The following COL5A1 variants were observed in gnomAD, a reference collection of about 807,000 sequenced individuals.
COL5A1 encodes collagen alpha-1(V) chain.
Under a neutral mutation model 263.7 loss-of-function variants are expected in COL5A1, and 16 were observed. That is an observed-to-expected ratio of 0.06 (90% CI 0.04 to 0.09). The LOEUF (loss-of-function observed/expected upper bound fraction) is 0.09. COL5A1 is among the 10% of genes least tolerant of loss of function. The probability of loss-of-function intolerance (pLI) is 1.00; values close to 1 mark genes in which losing one functional copy is unlikely to be tolerated. For missense variants in COL5A1, 2,036 were observed against 2,540.5 expected (o/e 0.80, Z 4.27); for synonymous variants, 1,012 against 1,004.5 (o/e 1.01, Z -0.14).
At chr9:134,829,269 A>C (rs774092407) in intron 63 of COL5A1, among the ~76,000 whole-genome samples, 12 of 151,318 alleles carry the variant, frequency 7.9e-5, no homozygotes, top group Non-Finnish European at 1.2e-4. Context: ...GGCTGGGGCC[A>C]GGCTCCTCAC....
Position 134,823,551 on chromosome 9 carries a change from T to TGA in COL5A1, c.4698+83_4698+84dup, listed in dbSNP as rs1308448033. ...AATTGAGAAAGCAACTGTGTGTGTG[T>TGA]GACCCCTCCTGAGACTCATGAAGCC... On this transcript the variant is annotated intron_variant, in intron 61 of 65. Transcript: ENST00000371817. 3.5e-6 allele frequency: 5 copies of TGA among 1,414,434 alleles called. No individual in the cohort carries two copies. The Admixed American group carries it at 5.1e-5, about 15-fold the overall frequency. The allele number at this position is 1,414,434 out of a possible 1,614,324, so 87.6% of individuals were successfully genotyped here.
chr9:134,782,782 G>T lies in COL5A1; in HGVS notation c.2484+62G>T, dbSNP rs1469010805. 7.1e-6 allele frequency: 10 copies of T among 1,416,994 alleles called. No homozygotes were observed. The South Asian group carries it at 1.1e-4, about 16-fold the overall frequency. The allele number at this position is 1,416,994 out of a possible 1,614,324, so 87.8% of individuals were successfully genotyped here. On this transcript the variant is annotated intron_variant, in intron 29 of 65. Coordinates refer to ENST00000371817, the MANE Select transcript of COL5A1 (RefSeq NM_000093.5). ...GCTGGGTGGGCTTGGCCGTGTGGGA[G>T]GGGGTGGGGATGTTTGCCGCCACAG... is the stretch of plus-strand genomic sequence containing the variant.
At chr9:134,804,644 C>T (rs1838230252) in intron 39 of COL5A1, among the ~76,000 whole-genome samples, 2 of 152,336 alleles carry the variant, frequency 1.3e-5, no homozygotes, top group South Asian at 4.1e-4. Flanking sequence ...AGCGTGGCTT[C>T]CAGGTGGAGG....
chr9:134,760,241 TACACACCC>T (rs1471275388), intron 18 of COL5A1, among the ~76,000 whole-genome samples: 1 of 69,962 alleles, frequency 1.4e-5, no homozygotes, highest in Non-Finnish European at 2.6e-5. Flanking sequence ...CACACACGCA[TACACACCC>T]ACACACCCCA....
rs1360291312 is a variant in COL5A1, at chr9:134,686,151, G to A, written c.110-4761G>A. On this transcript the variant is annotated intron_variant, in intron 1 of 65. Coordinates refer to ENST00000371817, the MANE Select transcript of COL5A1 (RefSeq NM_000093.5). The surrounding 1 kb of genome is among the most constrained non-coding windows in gnomAD (Gnocchi z 4.6). ...GCTTGTATTTCTTATCAGGGTCTTT[G>A]TGCTGCCTTTTGTGGTGCATGACAC... is the stretch of plus-strand genomic sequence containing the variant. Among the ~76,000 whole-genome samples, 1 of 152,218 alleles carries A rather than the reference G, an allele frequency of 6.6e-6. No individual in the cohort carries two copies. Among genetic ancestry groups the A allele is most frequent in the Non-Finnish European group, 1.5e-5 (1 of 68,048 alleles).
chr9:134,749,275 C>A (rs992105523), intron 11 of COL5A1, among the ~76,000 whole-genome samples: 2 of 152,208 alleles, frequency 1.3e-5, no homozygotes, highest in African/African-American at 4.8e-5. Flanking sequence ...GCCACACAGC[C>A]TCATAGTGAT....
intron 28 of COL5A1, chr9:134,782,446 C>T (rs749113811): frequency 3.0e-5 from 19 of 643,928 alleles, no homozygotes; most frequent in African/African-American, 3.6e-5. Context: ...GAAGCAGGGA[C>T]GCAGCTCTCT....
intron 1 of COL5A1, among the ~76,000 whole-genome samples, chr9:134,671,347 G>C (rs776531877): frequency 2.6e-5 from 4 of 152,168 alleles, no homozygotes; most frequent in Non-Finnish European, 5.9e-5. Flanking sequence ...CCTTTGTTGC[G>C]TCTCTGGGAT....
intron 65 of COL5A1, among the ~76,000 whole-genome samples, chr9:134,838,031 C>T (rs1027585658): frequency 2.0e-5 from 3 of 152,206 alleles, no homozygotes; most frequent in South Asian, 2.1e-4. Context: ...TGCAGAGTCT[C>T]AGGATGAGGA....
At chr9:134,835,271 A>C in intron 65 of COL5A1, 67 bp downstream of exon 65, 3 of 1,428,520 alleles carry the variant, frequency 2.1e-6, no homozygotes. Context: ...CTCACTCAGC[A>C]CGGGTTTACC....
At chr9:134,833,601 A>G (rs903818720) in intron 64 of COL5A1, among the ~76,000 whole-genome samples, 3 of 152,118 alleles carry the variant, frequency 2.0e-5, no homozygotes, top group Admixed American at 1.3e-4. Flanking sequence ...CATGCCAGAC[A>G]TCATCCGGGA....
At chr9:134,797,545 C>T (rs781360133) in intron 36 of COL5A1, among the ~76,000 whole-genome samples, 4 of 152,154 alleles carry the variant, frequency 2.6e-5, no homozygotes, top group African/African-American at 4.8e-5. Flanking sequence ...TGCATTGGCT[C>T]GATCTCGGCT....
chr9:134,735,150 T>C (rs1588484968), intron 9 of COL5A1, among the ~76,000 whole-genome samples: 1 of 151,250 alleles, frequency 6.6e-6, no homozygotes, highest in South Asian at 2.1e-4. Context: ...GAGGCGGAGG[T>C]TGCAGTGAGC....
chr9:134,738,851 G>GCA, intron 11 of COL5A1, 43 bp downstream of exon 11: 1 of 1,515,914 alleles, frequency 6.6e-7, no homozygotes, highest in Non-Finnish European at 9.2e-7. Context: ...CAAGGTGTGG[G>GCA]GCTGCCCACG....
chr9:134,826,554 G>GGT (rs367856120), intron 63 of COL5A1, among the ~76,000 whole-genome samples: 1,507 of 134,390 alleles, frequency 0.011, 7 homozygotes, highest in African/African-American at 0.019. Flanking sequence ...GTGTGTGAAT[G>GGT]GTGTGTGTGT....
intron 1 of COL5A1, among the ~76,000 whole-genome samples, chr9:134,659,245 C>T (rs930139191): frequency 3.9e-5 from 6 of 152,202 alleles, no homozygotes; most frequent in South Asian, 4.2e-4. Context: ...AAAACTTAGC[C>T]GGGCGTGATG....
At position 134,824,692 on chromosome 9, in the gene COL5A1, T is replaced by C. The variant is rs886063677; in HGVS notation, c.4791T>C (p.Asn1597=). The change falls in exon 62 of 66, where the codon AAT becomes AAC. Residue 1597 remains asparagine, a synonymous_variant. Coordinates refer to ENST00000371817, the MANE Select transcript of COL5A1 (RefSeq NM_000093.5). ...CCAGCCAGCTGCTGGACGACGGGAA[T>C]GGCGAGAACTACGTGGACTACGCGG... ...IDASQLLDDG[N]GENYVDYADG... 4.3e-6 allele frequency: 7 copies of C among 1,614,090 alleles called. No individual in the cohort carries two copies. Among genetic ancestry groups the C allele is most frequent in the Non-Finnish European group, 5.9e-6 (7 of 1,180,052 alleles).
intron 1 of COL5A1, among the ~76,000 whole-genome samples, chr9:134,669,865 A>G (rs1166597507): frequency 1.3e-5 from 2 of 152,194 alleles, no homozygotes; most frequent in African/African-American, 4.8e-5. Flanking sequence ...CTGGGAATTT[A>G]AAGTCCACAT....
intron 9 of COL5A1, among the ~76,000 whole-genome samples, chr9:134,737,660 G>A (rs931046451): frequency 1.3e-5 from 2 of 152,180 alleles, no homozygotes; most frequent in African/African-American, 4.8e-5. Flanking sequence ...ATCCCGCCCT[G>A]GGGAAGGGGT....
Sources: allele counts gnomAD v4.1 joint callset (sites outside exome capture counted in the v4.1 genomes callset), GRCh38; gene constraint gnomAD v4.1.1; non-coding constraint Gnocchi (gnomAD v3.1); transcripts MANE v1.5; gene names NCBI Gene and HGNC (gene_info 2026-07-23, HGNC 2026-07-21).